Variants in PLB1 observed in about 807,000 individuals in gnomAD.
The protein encoded by PLB1 is phospholipase B1, also known as phospholipase B1, membrane-associated.
A neutral mutation model predicts 227.4 loss-of-function variants in PLB1; 242 were observed. That is an observed-to-expected ratio of 1.06 (90% CI 0.96 to 1.18). The LOEUF (loss-of-function observed/expected upper bound fraction) is 1.18. Among genes scored for constraint, PLB1 ranks in the 50% most tolerant of loss-of-function variants. The pLI is 0.00. For missense variants in PLB1, 1,858 were observed against 1,816.3 expected (o/e 1.02, Z -0.42); for synonymous variants, 757 against 682.2 (o/e 1.11, Z -1.71).
At chr2:28,631,976 C>A (rs952998958) in intron 54 of PLB1, 60 bp from the exon 55 acceptor site, 9 of 1,422,568 alleles carry the variant, frequency 6.3e-6, no homozygotes, top group Non-Finnish European at 2.0e-6. Flanking sequence ...GGCAGCAGGA[C>A]TGGACCCTGT....
chr2:28,630,606 G>C lies in PLB1; in HGVS notation c.3839G>C (p.Arg1280Thr), dbSNP rs1410706665. ...LAAQNNCTCL[R>T]HSQSSLEKQE... is the part of the protein sequence containing the mutation. ...CACAGGAACAACTGCACTTGCCTCA[G>C]ACACTCGCAAAGCTCCCTGGAGAAG... Residue 1280 changes from arginine (R) to threonine (T), a missense_variant, in exon 54 of 58, where the codon AGA (arginine) becomes ACA (threonine). Arg to Thr is a moderately conservative substitution (Grantham distance 71). Transcript: ENST00000327757. The C allele has an allele frequency of 6.2e-7, 1 of 1,613,688 alleles. No homozygotes were observed. The highest frequency in any genetic ancestry group is 1.3e-5 in the African/African-American group (1 of 74,910).
At chr2:28,574,513 G>T (rs922843923) in intron 21 of PLB1, among the ~76,000 whole-genome samples, 1 of 148,358 alleles carries the variant, frequency 6.7e-6, no homozygotes, top group Non-Finnish European at 1.5e-5. Flanking sequence ...CTCCCAAGTA[G>T]CTGGGATCAC....
intron 4 of PLB1, among the ~76,000 whole-genome samples, chr2:28,522,633 C>T (rs74767015): frequency 1.3e-5 from 2 of 152,294 alleles, no homozygotes; most frequent in Non-Finnish European, 2.9e-5. Flanking sequence ...TTAAGCCCGT[C>T]AGTGACTTGC....
In PLB1 at chr2:28,550,141, C is replaced by G. The variant is rs1488937118; in HGVS notation, c.1083+57C>G. 2.3e-6 allele frequency: 3 copies of G among 1,279,198 alleles called. No individual in the cohort carries two copies. The African/African-American group carries it at 4.5e-5, about 19-fold the overall frequency. The allele number at this position is 1,279,198 out of a possible 1,614,324, so 79.2% of individuals were successfully genotyped here. On this transcript the variant is annotated intron_variant, in intron 16 of 57. Transcript: ENST00000327757. ...TGCAGATGAACCAGGGGCTGTACTT[C>G]TTGCTGAATCTTTCGAACCTTCCAC...
intron 56 of PLB1, among the ~76,000 whole-genome samples, chr2:28,636,046 T>A (rs1267828704): frequency 9.8e-6 from 1 of 102,222 alleles, no homozygotes; most frequent in Non-Finnish European, 2.4e-5. Flanking sequence ...TGTGTGTATG[T>A]ATGTGTATGT....
At chr2:28,576,193 C>T (rs553178629) in intron 21 of PLB1, among the ~76,000 whole-genome samples, 4 of 152,270 alleles carry the variant, frequency 2.6e-5, no homozygotes, top group East Asian at 1.9e-4. Context: ...TTATTATTCC[C>T]GTATTACAAT....
At position 28,520,429 on chromosome 2, in the gene PLB1, G is replaced by A. The variant is rs865806126; in HGVS notation, c.243+666G>A. ...AATTTTTAAAAACACACCGATCTTT[G>A]TAAATAACTTTTTAAATTTTGTTTG... On this transcript the variant is annotated intron_variant, in intron 4 of 57. Coordinates refer to ENST00000327757, the MANE Select transcript of PLB1 (RefSeq NM_153021.5). Among the ~76,000 whole-genome samples, 3 of 152,144 alleles carry A rather than the reference G, an allele frequency of 2.0e-5. No individual in the cohort carries two copies. In the South Asian group the frequency reaches 6.2e-4, roughly 31 times the overall value.
At chr2:28,597,108 G>GA (rs374228906) in intron 33 of PLB1, among the ~76,000 whole-genome samples, 7 of 151,966 alleles carry the variant, frequency 4.6e-5, no homozygotes, top group Non-Finnish European at 7.4e-5. Flanking sequence ...CTAAAAAACA[G>GA]AAAAAATTAG....
intron 29 of PLB1, among the ~76,000 whole-genome samples, chr2:28,590,912 G>A (rs535384421): frequency 1.1e-4 from 16 of 152,300 alleles, no homozygotes; most frequent in South Asian, 8.3e-4. Context: ...AGACAGGCGC[G>A]TTCCCGTGAA....
At chr2:28,569,338 A>G (rs72791661) in intron 20 of PLB1, among the ~76,000 whole-genome samples, 3 of 152,158 alleles carry the variant, frequency 2.0e-5, no homozygotes, top group Non-Finnish European at 4.4e-5. Flanking sequence ...ATTGAGCATT[A>G]TATGAGGCCC....
intron 31 of PLB1, 62 bp from the exon 32 acceptor site, chr2:28,592,599 G>A: frequency 6.6e-7 from 1 of 1,507,292 alleles, no homozygotes; most frequent in Non-Finnish European, 9.2e-7. Flanking sequence ...GAAGCCAGAG[G>A]CACTAGAGTG....
At chr2:28,592,986 A>G (rs1025790693) in intron 32 of PLB1, among the ~76,000 whole-genome samples, 4 of 152,318 alleles carry the variant, frequency 2.6e-5, no homozygotes, top group Middle Eastern at 6.8e-3. Context: ...TATATGTAAA[A>G]ATATGTCATT....
intron 4 of PLB1, 110 bp from the exon 5 acceptor site, chr2:28,525,157 G>T (rs1403503086): frequency 6.3e-5 from 62 of 980,164 alleles, no homozygotes; most frequent in Non-Finnish European, 4.7e-6. Context: ...GGGCTTGTAG[G>T]TTCCCTCTTA....
At position 28,643,366 on chromosome 2, in the gene PLB1, C is replaced by A; in HGVS notation, c.*305C>A. Reference sequence around the variant, plus strand: ...TGTGGCCTGCCTCCAGCAGGGCTGCCCAAGCCACGACCAACCAGAGCCCAA... The same window carrying A: ...TGTGGCCTGCCTCCAGCAGGGCTGCACAAGCCACGACCAACCAGAGCCCAA... On this transcript the variant is annotated 3_prime_UTR_variant, in exon 58 of 58. Transcript: ENST00000327757. The A allele has an allele frequency of 3.9e-6, 1 of 255,274 alleles. No homozygotes were observed. Among genetic ancestry groups the A allele is most frequent in the Non-Finnish European group, 7.4e-6 (1 of 134,458 alleles). 15.8% of individuals were successfully genotyped at this position (255,274 alleles called of 1,614,324 possible). A position where few individuals can be genotyped will look rare whatever the true frequency, so the allele number is the denominator to read the frequency against.
rs1406109 is a variant in PLB1 at position 28,608,510 on chromosome 2, C to T, written c.3129+1943C>T. Among the ~76,000 whole-genome samples the T allele has an allele frequency of 1.7e-3, 253 of 152,312 alleles. 1 individual carries two copies. Among genetic ancestry groups the T allele is most frequent in the African/African-American group, 5.6e-3 (232 of 41,572 alleles). ...CCCATCCGCAGTCTAACTGCTCATACGTTCTGTGTGCCAGGTAGGGTGACT... is the reference window on the plus strand; with the variant it reads ...CCCATCCGCAGTCTAACTGCTCATATGTTCTGTGTGCCAGGTAGGGTGACT... On this transcript the variant is annotated intron_variant, in intron 43 of 57. Transcript: ENST00000327757.
rs544260345 is a variant in PLB1 at position 28,619,093 on chromosome 2, A to G, written c.3315+694A>G. Among the ~76,000 whole-genome samples the G allele has an allele frequency of 2.0e-5, 3 of 152,322 alleles. No individual in the cohort carries two copies. The East Asian group carries it at 5.8e-4, about 29-fold the overall frequency. On this transcript the variant is annotated intron_variant, in intron 46 of 57. Transcript: ENST00000327757. ...AGGGGTACATGTGCAGGTTTGTTAC[A>G]CAGGTAAACTTGTGGCATGGGGTTT...
chr2:28,543,802 C>T (rs960188944), intron 14 of PLB1, among the ~76,000 whole-genome samples: 9 of 152,242 alleles, frequency 5.9e-5, no homozygotes, highest in South Asian at 2.1e-4. Flanking sequence ...ATATCTAGCG[C>T]GCAGCTCGCT....
chr2:28,602,633 G>C (rs999512236), intron 38 of PLB1, among the ~76,000 whole-genome samples, 188 bp from the exon 39 acceptor site: 1 of 152,226 alleles, frequency 6.6e-6, no homozygotes, highest in African/African-American at 2.4e-5. Context: ...CCTTTGGGTG[G>C]CACCCATGGA....
chr2:28,614,380 T>C (rs1313928910), intron 44 of PLB1, among the ~76,000 whole-genome samples: 3 of 152,152 alleles, frequency 2.0e-5, no homozygotes, highest in African/African-American at 7.2e-5. Flanking sequence ...GGTTACTGCT[T>C]AGGCAGCTCA....
Sources: allele counts gnomAD v4.1 joint callset (sites outside exome capture counted in the v4.1 genomes callset), GRCh38; gene constraint gnomAD v4.1.1; transcripts MANE v1.5; gene names NCBI Gene and HGNC (gene_info 2026-07-23, HGNC 2026-07-21).